LAMA2: variants seen among roughly 807,000 people sequenced by gnomAD.
LAMA2 encodes the protein laminin subunit alpha-2.
In LAMA2, 269 loss-of-function variants were observed where a neutral mutation model predicts 364.8. The ratio of observed to expected loss-of-function variants is 0.74; its 90% CI spans 0.67 to 0.82. The LOEUF is 0.82. Ranked by LOEUF, LAMA2 falls within the 40% of genes least tolerant of loss-of-function variation. The pLI is 0.00. For missense variants in LAMA2, 3,807 were observed against 3,873.2 expected (o/e 0.98, Z 0.45); for synonymous variants, 1,379 against 1,370.6 (o/e 1.01, Z -0.14).
intron 1 of LAMA2, among the ~76,000 whole-genome samples, chr6:128,894,149 T>G (rs1017582735): frequency 2.0e-5 from 3 of 152,174 alleles, no homozygotes; most frequent in African/African-American, 7.2e-5. Context: ...ACGATATTTT[T>G]GTACGCTTTT....
chr6:129,299,180 T>C (rs1174517528), intron 21 of LAMA2, among the ~76,000 whole-genome samples: 10 of 151,870 alleles, frequency 6.6e-5, no homozygotes, highest in African/African-American at 2.4e-4. Context: ...AATAGTAATA[T>C]GACTGAGGAC....
At chr6:129,331,533 C>G (rs927208682) in intron 29 of LAMA2, among the ~76,000 whole-genome samples, 4 of 152,106 alleles carry the variant, frequency 2.6e-5, no homozygotes, top group South Asian at 2.1e-4. Flanking sequence ...TTTTCTATTA[C>G]TTTGGATGAA....
chr6:129,344,172 G>C (rs966245471), intron 30 of LAMA2, among the ~76,000 whole-genome samples: 1 of 152,140 alleles, frequency 6.6e-6, no homozygotes, highest in African/African-American at 2.4e-5. Flanking sequence ...TCATAGAATT[G>C]AGTATAATGA....
At chr6:129,054,532 T>A (rs527826566) in intron 2 of LAMA2, among the ~76,000 whole-genome samples, 1 of 152,024 alleles carries the variant, frequency 6.6e-6, no homozygotes, top group East Asian at 1.9e-4. Flanking sequence ...TGTAGACGTG[T>A]ATTTAGGATG....
intron 14 of LAMA2, among the ~76,000 whole-genome samples, chr6:129,259,773 GA>G (rs1418266679): frequency 6.6e-6 from 1 of 151,874 alleles, no homozygotes; most frequent in Non-Finnish European, 1.5e-5. Context: ...CCATTGTATA[GA>G]AGAAAAAATT....
chr6:128,922,179 T>C (rs1377684465), intron 1 of LAMA2, among the ~76,000 whole-genome samples: 1 of 152,002 alleles, frequency 6.6e-6, no homozygotes, highest in Non-Finnish European at 1.5e-5. Flanking sequence ...CCTGTGTATG[T>C]GTCTTTATAG....
At chr6:129,201,896 A>G (rs952593024) in intron 12 of LAMA2, among the ~76,000 whole-genome samples, 1 of 152,196 alleles carries the variant, frequency 6.6e-6, no homozygotes, top group Admixed American at 6.5e-5. Flanking sequence ...GCAATCAGAA[A>G]AAAACTAACA....
chr6:129,452,866 G>T (rs1174110559), intron 45 of LAMA2, 122 bp from the exon 46 acceptor site: 4 of 831,860 alleles, frequency 4.8e-6, no homozygotes, highest in Non-Finnish European at 8.0e-6. Flanking sequence ...TTTAATGATA[G>T]TATTTGATGA....
chr6:129,464,594 T>C, intron 50 of LAMA2, 142 bp downstream of exon 50: 1 of 767,844 alleles, frequency 1.3e-6, no homozygotes. Flanking sequence ...CAGCCAAGAA[T>C]GGGTGATACA....
intron 34 of LAMA2, among the ~76,000 whole-genome samples, chr6:129,376,877 C>G (rs1045440015): frequency 1.3e-5 from 2 of 152,106 alleles, no homozygotes; most frequent in East Asian, 3.9e-4. Context: ...GTCCACCAGA[C>G]TATAGACTCC....
chr6:129,050,214 A>C, intron 2 of LAMA2, 126 bp downstream of exon 2: 1 of 936,294 alleles, frequency 1.1e-6, no homozygotes, highest in Admixed American at 2.1e-5. Context: ...TTTTACCATT[A>C]AGAGCTTCTT....
chr6:129,432,897 A>G (rs566528508), intron 41 of LAMA2, among the ~76,000 whole-genome samples: 2 of 152,178 alleles, frequency 1.3e-5, no homozygotes, highest in Non-Finnish European at 2.9e-5. Flanking sequence ...AGCTCCTACT[A>G]TGACCCCCTA....
intron 58 of LAMA2, among the ~76,000 whole-genome samples, chr6:129,495,300 C>T (rs1785103500): frequency 6.6e-6 from 1 of 152,110 alleles, no homozygotes; most frequent in South Asian, 2.1e-4. Flanking sequence ...CTTCTCCTTC[C>T]CTAGGCTAAC....
intron 29 of LAMA2, among the ~76,000 whole-genome samples, chr6:129,334,392 G>A (rs1392361424): frequency 6.6e-6 from 1 of 152,082 alleles, no homozygotes; most frequent in Non-Finnish European, 1.5e-5. Context: ...CAGAGTTTTT[G>A]TAAGGATTTG....
At chr6:129,239,075 A>G (rs1175208953) in intron 12 of LAMA2, among the ~76,000 whole-genome samples, 4 of 152,224 alleles carry the variant, frequency 2.6e-5, no homozygotes, top group African/African-American at 9.6e-5. Context: ...AACAGGAACA[A>G]TGATAACTGC....
At chr6:128,962,786 T>A (rs564736701) in intron 1 of LAMA2, among the ~76,000 whole-genome samples, 1 of 152,326 alleles carries the variant, frequency 6.6e-6, no homozygotes, top group South Asian at 2.1e-4. Flanking sequence ...ATGCATGTAT[T>A]TCTTTAGCTA....
chr6:128,940,814 G>A (rs1324632785), intron 1 of LAMA2, among the ~76,000 whole-genome samples: 2 of 152,100 alleles, frequency 1.3e-5, no homozygotes, highest in Non-Finnish European at 2.9e-5. Context: ...AGTTGAGCAT[G>A]GTAGTACACA....
In LAMA2 at chr6:129,341,374, T is replaced by C. The variant is rs1011563256; in HGVS notation, c.4312-969T>C. ...TTTTCTTTCGATATTGTTTATAAGA[T>C]GTAAGTCACTATTTTGACCACTCCA... On this transcript the variant is annotated intron_variant, in intron 29 of 64. Transcript: ENST00000421865. 3.9e-5 allele frequency among the ~76,000 whole-genome samples: 6 copies of C among 152,338 alleles called. 1 individual carries two copies. The Middle Eastern group carries it at 0.01, about 259-fold the overall frequency.
At chr6:129,493,850 C>G (rs1785010985) in intron 58 of LAMA2, among the ~76,000 whole-genome samples, 2 of 152,158 alleles carry the variant, frequency 1.3e-5, no homozygotes. Context: ...GACTCCTTAT[C>G]TCTGGAACAC....
Sources: gnomAD v4.1 joint callset for allele counts (sites outside exome capture counted in the v4.1 genomes callset) on GRCh38, gnomAD v4.1.1 for gene constraint, MANE v1.5 for transcripts, NCBI Gene and HGNC (gene_info 2026-07-23, HGNC 2026-07-21) for gene names.